Variants in RXRA observed in about 807,000 individuals in gnomAD.
The protein encoded by RXRA is retinoid X receptor alpha, also known as retinoic acid receptor RXR-alpha.
A neutral mutation model predicts 44.5 loss-of-function variants in RXRA; 5 were observed. The observed-to-expected ratio is 0.11, with a 90% CI of 0.06 to 0.24. The LOEUF (loss-of-function observed/expected upper bound fraction) is 0.24. Among genes scored for constraint, RXRA ranks in the 10% least tolerant of loss-of-function variants. The probability of loss-of-function intolerance (pLI) is 1.00; values close to 1 mark genes in which losing one functional copy is unlikely to be tolerated. For synonymous variants in RXRA, 291 were observed against 271.4 expected, an observed-to-expected ratio of 1.07 and a Z score of -0.71; for missense variants, 412 against 646.5, an observed-to-expected ratio of 0.64 and a Z score of 3.93.
intron 1 of RXRA, among the ~76,000 whole-genome samples, chr9:134,393,976 G>A (rs1336641665): frequency 1.3e-5 from 2 of 151,848 alleles, no homozygotes; most frequent in Non-Finnish European, 2.9e-5. Flanking sequence ...GCTCAGTATG[G>A]CCAAGAGGAC....
chr9:134,398,896 C>T (rs1830919762), intron 1 of RXRA, among the ~76,000 whole-genome samples: 1 of 152,272 alleles, frequency 6.6e-6, no homozygotes, highest in South Asian at 2.1e-4. Context: ...CCGGCCTCCT[C>T]CCAGGTGCTC....
intron 2 of RXRA, chr9:134,402,259 G>GTCC (rs1279038289): frequency 1.6e-5 from 4 of 252,606 alleles, no homozygotes; most frequent in Non-Finnish European, 3.0e-5. Flanking sequence ...CACAGCCTGG[G>GTCC]TCCTCCCCTG....
intron 1 of RXRA, among the ~76,000 whole-genome samples, chr9:134,367,241 G>A (rs1175671639): frequency 6.6e-6 from 1 of 152,144 alleles, no homozygotes; most frequent in Non-Finnish European, 1.5e-5. Context: ...TGCCTTCTTT[G>A]TGGATCTGCC....
At chr9:134,415,019 T>C (rs1401540516) in intron 4 of RXRA, among the ~76,000 whole-genome samples, 1 of 152,130 alleles carries the variant, frequency 6.6e-6, no homozygotes, top group Non-Finnish European at 1.5e-5. Flanking sequence ...CCAGCCCTGC[T>C]CCCCATCCTG....
intron 1 of RXRA, among the ~76,000 whole-genome samples, chr9:134,378,938 C>T (rs1371060047): frequency 1.3e-5 from 2 of 152,184 alleles, no homozygotes; most frequent in South Asian, 2.1e-4. Flanking sequence ...ATCCTGTGCC[C>T]GGAAGAGAGG....
chr9:134,395,936 G>A (rs552516615), intron 1 of RXRA, among the ~76,000 whole-genome samples: 3 of 152,352 alleles, frequency 2.0e-5, no homozygotes, highest in South Asian at 2.1e-4. Flanking sequence ...CCTGGAGGCC[G>A]CTAGCGGGCC....
At chr9:134,355,869 G>T (rs575082167) in intron 1 of RXRA, among the ~76,000 whole-genome samples, 19 of 152,234 alleles carry the variant, frequency 1.2e-4, no homozygotes, top group African/African-American at 4.6e-4. Flanking sequence ...GGAAAGCTCC[G>T]CAGGTACCCT....
At chr9:134,331,327 A>G (rs1835001526) in intron 1 of RXRA, among the ~76,000 whole-genome samples, 2 of 152,262 alleles carry the variant, frequency 1.3e-5, no homozygotes, top group African/African-American at 2.4e-5. Flanking sequence ...CAGCAGCTGA[A>G]TGAGCGTGAA....
chr9:134,388,773 T>C (rs570193525), intron 1 of RXRA, among the ~76,000 whole-genome samples: 2 of 152,330 alleles, frequency 1.3e-5, no homozygotes, highest in South Asian at 4.1e-4. Flanking sequence ...GTCCTTCCTC[T>C]GCCTCCTCCT....
At chr9:134,335,031 C>A (rs1829975240) in intron 1 of RXRA, among the ~76,000 whole-genome samples, 1 of 152,172 alleles carries the variant, frequency 6.6e-6, no homozygotes, top group Non-Finnish European at 1.5e-5. Flanking sequence ...CAAGGCCAGG[C>A]TAGTCCTTCT....
At chr9:134,425,062 T>C in intron 6 of RXRA, 1 of 985,414 alleles carries the variant, frequency 1.0e-6, no homozygotes, top group African/African-American at 1.7e-5. Context: ...GTGAGAGCCA[T>C]TGGCCATGCA....
At chr9:134,420,850 A>G (rs1213826845) in intron 5 of RXRA, among the ~76,000 whole-genome samples, 1 of 152,106 alleles carries the variant, frequency 6.6e-6, no homozygotes, top group African/African-American at 2.4e-5. Context: ...GGGTCCCCTC[A>G]TCTGTGAGAC....
chr9:134,387,848 C>T (rs1454541789), intron 1 of RXRA, among the ~76,000 whole-genome samples: 1 of 152,212 alleles, frequency 6.6e-6, no homozygotes, highest in East Asian at 1.9e-4. Flanking sequence ...CTTGGGCTGT[C>T]TGGAGTGATC....
chr9:134,419,188 A>G (rs953591766), intron 5 of RXRA, among the ~76,000 whole-genome samples: 2 of 152,176 alleles, frequency 1.3e-5, no homozygotes, highest in African/African-American at 4.8e-5. Context: ...CCGCCTCACC[A>G]GCCTCGCGGA....
At position 134,342,539 on chromosome 9, in the gene RXRA, C is replaced by G. The variant is rs1442357206; in HGVS notation, c.28+15880C>G. On this transcript the variant is annotated intron_variant, in intron 1 of 9. Coordinates refer to ENST00000481739, the MANE Select transcript of RXRA (RefSeq NM_002957.6). The surrounding 1 kb of genome is among the most constrained non-coding windows in gnomAD (Gnocchi z 4.4). Reference sequence around the variant, plus strand: ...CTGTGCGCCCTCTTCCTGCCATCAGCGGGGGGCAGTGGGTTGGTGCAGGCA... The same window carrying G: ...CTGTGCGCCCTCTTCCTGCCATCAGGGGGGGGCAGTGGGTTGGTGCAGGCA... 1.3e-5 allele frequency among the ~76,000 whole-genome samples: 2 copies of G among 152,176 alleles called. No homozygotes were observed. The highest frequency in any genetic ancestry group is 2.1e-4 in the South Asian group (1 of 4,832).
chr9:134,391,971 C>T (rs760741896), intron 1 of RXRA, among the ~76,000 whole-genome samples: 4 of 152,220 alleles, frequency 2.6e-5, no homozygotes, highest in Non-Finnish European at 5.9e-5. Flanking sequence ...CTGGCGTGCA[C>T]CTGCAGTTAG....
chr9:134,423,387 G>A, intron 6 of RXRA: 1 of 985,472 alleles, frequency 1.0e-6, no homozygotes. Context: ...CGACTGGGGA[G>A]CCTCAGCCCA....
At chr9:134,348,362 C>T (rs1249539364) in intron 1 of RXRA, among the ~76,000 whole-genome samples, 4 of 152,154 alleles carry the variant, frequency 2.6e-5, no homozygotes, top group African/African-American at 7.2e-5. Context: ...GCTGGTGCAG[C>T]GGGCATCGTG....
chr9:134,348,953 A>G lies in RXRA; in HGVS notation c.28+22294A>G, dbSNP rs542718692. The stretch of plus-strand genomic sequence containing the variant: ...CCAGCTCTGTACCACCTGAGTGCCA[A>G]CCGTGGCGTTGCGCCAGCTGGGCCT... On this transcript the variant is annotated intron_variant, in intron 1 of 9. Transcript: ENST00000481739. 5.3e-5 allele frequency among the ~76,000 whole-genome samples: 8 copies of G among 152,206 alleles called. No homozygotes were observed. The South Asian group carries it at 1.5e-3, about 28-fold the overall frequency.
Sources: allele counts gnomAD v4.1 joint callset (sites outside exome capture counted in the v4.1 genomes callset), GRCh38; gene constraint gnomAD v4.1.1; non-coding constraint Gnocchi (gnomAD v3.1); transcripts MANE v1.5; gene names NCBI Gene and HGNC (gene_info 2026-07-23, HGNC 2026-07-21).